ILRUN: variants seen among roughly 807,000 people sequenced by gnomAD.
ILRUN encodes protein ILRUN.
In ILRUN, 3 loss-of-function variants were observed where a neutral mutation model predicts 33.8. The observed-to-expected ratio is 0.09, with a 90% confidence interval of 0.04 to 0.23. ILRUN has a LOEUF of 0.23. Ranked by LOEUF, ILRUN falls within the 10% of genes least tolerant of loss-of-function variation. ILRUN has a pLI of 1.00. For missense variants in ILRUN, 210 were observed against 375.1 expected, an observed-to-expected ratio of 0.56 and a Z score of 3.64; for synonymous variants, 124 against 138.9, an observed-to-expected ratio of 0.89 and a Z score of 0.75.
chr6:34,606,460 G>A, intron 4 of ILRUN, 95 bp downstream of exon 4: 1 of 956,952 alleles, frequency 1.0e-6, no homozygotes, highest in South Asian at 1.6e-5. Flanking sequence ...ACCTCCTCTG[G>A]GGAGCGGCAG....
chr6:34,591,989 A>G, intron 4 of ILRUN, among the ~76,000 whole-genome samples: 1 of 152,116 alleles, frequency 6.6e-6, no homozygotes, highest in Non-Finnish European at 1.5e-5. Flanking sequence ...GCTTCCCCTT[A>G]TAAGAAAGAC....
intron 2 of ILRUN, among the ~76,000 whole-genome samples, chr6:34,652,998 C>G (rs1455821078): frequency 2.0e-5 from 3 of 151,492 alleles, no homozygotes; most frequent in Non-Finnish European, 4.4e-5. Flanking sequence ...AAAAAATTAG[C>G]CAGGCATGGT....
rs79454986 is a variant in ILRUN, at chr6:34,637,562, T to C, written c.511+9039A>G. ...TCTACCAAATCCTTTTCTATACATGTGTATGGTAAGTTGAGGAGTAAGAAA... is the reference window on the plus strand; with the variant it reads ...TCTACCAAATCCTTTTCTATACATGCGTATGGTAAGTTGAGGAGTAAGAAA... On this transcript the variant is annotated intron_variant, in intron 3 of 4. Transcript: ENST00000374023. Among the ~76,000 whole-genome samples the C allele has an allele frequency of 7.3e-3, 1,118 of 152,252 alleles. 21 individuals are homozygous for C. Among genetic ancestry groups the C allele is most frequent in the African/African-American group, 0.026 (1,063 of 41,562 alleles).
chr6:34,602,466 C>G (rs1561997406), intron 4 of ILRUN, among the ~76,000 whole-genome samples: 1 of 152,174 alleles, frequency 6.6e-6, no homozygotes, highest in Non-Finnish European at 1.5e-5. Context: ...CAGTTTCGCA[C>G]TGTCCAAACA....
chr6:34,683,441 C>A (rs1021110277), intron 1 of ILRUN, among the ~76,000 whole-genome samples: 2 of 120,068 alleles, frequency 1.7e-5, no homozygotes, highest in African/African-American at 3.4e-5. Context: ...TATATATATA[C>A]ATATATATAT....
chr6:34,601,904 A>G (rs1761517451), intron 4 of ILRUN, among the ~76,000 whole-genome samples: 2 of 152,024 alleles, frequency 1.3e-5, no homozygotes, highest in Admixed American at 1.3e-4. Flanking sequence ...GGGGTGGGGG[A>G]AGAGAATAAG....
intron 3 of ILRUN, among the ~76,000 whole-genome samples, chr6:34,641,278 C>T (rs769925931): frequency 1.2e-4 from 18 of 152,070 alleles, no homozygotes; most frequent in African/African-American, 2.9e-4. Context: ...GCTAGTAAGC[C>T]GAGTGAGCCA....
At chr6:34,633,838 G>C (rs1762296628) in intron 3 of ILRUN, among the ~76,000 whole-genome samples, 1 of 140,878 alleles carries the variant, frequency 7.1e-6, no homozygotes, top group Non-Finnish European at 1.5e-5. Context: ...TAGGAAGAGA[G>C]GGGAGGGGAG....
intron 3 of ILRUN, among the ~76,000 whole-genome samples, chr6:34,644,204 G>A (rs1762525158): frequency 6.6e-6 from 1 of 152,100 alleles, no homozygotes; most frequent in Non-Finnish European, 1.5e-5. Flanking sequence ...GGAACATTGA[G>A]AAGTAGTATT....
intron 3 of ILRUN, among the ~76,000 whole-genome samples, chr6:34,639,302 C>T (rs188076014): frequency 1.3e-5 from 2 of 152,290 alleles, no homozygotes; most frequent in Admixed American, 1.3e-4. Flanking sequence ...AGAACTACTT[C>T]AAGTAGTGGA....
intron 1 of ILRUN, among the ~76,000 whole-genome samples, chr6:34,681,138 T>C (rs1423164944): frequency 2.0e-5 from 3 of 152,130 alleles, no homozygotes; most frequent in Non-Finnish European, 4.4e-5. Flanking sequence ...TATCATTCAA[T>C]CAATCATTAG....
In ILRUN at chr6:34,641,304, G is replaced by A. The variant is rs78292748; in HGVS notation, c.511+5297C>T. ...GAGTGAGCCAATCATGGTTATTATG[G>A]AAGTTTATTTTTTTCCATGTGCTCA... On this transcript the variant is annotated intron_variant, in intron 3 of 4. Coordinates refer to ENST00000374023, the MANE Select transcript of ILRUN (RefSeq NM_024294.4). Among the ~76,000 whole-genome samples, 651 of 152,208 alleles carry A rather than the reference G, an allele frequency of 4.3e-3. 5 individuals are homozygous for A. The highest frequency in any genetic ancestry group is 0.015 in the African/African-American group (606 of 41,532).
intron 1 of ILRUN, among the ~76,000 whole-genome samples, chr6:34,676,250 A>G (rs1339908156): frequency 6.6e-6 from 1 of 151,896 alleles, no homozygotes; most frequent in Non-Finnish European, 1.5e-5. Flanking sequence ...CAAAAAAAAA[A>G]ATGCTGGGCA....
At chr6:34,649,471 T>A (rs1463371756) in intron 2 of ILRUN, among the ~76,000 whole-genome samples, 1 of 152,122 alleles carries the variant, frequency 6.6e-6, no homozygotes, top group Non-Finnish European at 1.5e-5. Flanking sequence ...TAGTTAAGTA[T>A]CACAATCAAG....
intron 3 of ILRUN, among the ~76,000 whole-genome samples, chr6:34,609,505 G>A (rs1761701039): frequency 6.6e-6 from 1 of 151,600 alleles, no homozygotes; most frequent in African/African-American, 2.4e-5. Flanking sequence ...AAAAAGGTGG[G>A]GTGGAATCTT....
At chr6:34,613,175 C>T (rs544430862) in intron 3 of ILRUN, among the ~76,000 whole-genome samples, 13 of 152,250 alleles carry the variant, frequency 8.5e-5, no homozygotes, top group African/African-American at 3.1e-4. Context: ...GATCGCATCA[C>T]TGCACTCTGG....
chr6:34,690,504 A>G (rs1763623761), intron 1 of ILRUN, among the ~76,000 whole-genome samples: 1 of 152,040 alleles, frequency 6.6e-6, no homozygotes, highest in Non-Finnish European at 1.5e-5. Flanking sequence ...AAATTGATTA[A>G]AAGGGTAAAT....
chr6:34,673,904 TACACACAC>T lies in ILRUN; in HGVS notation c.159-19133_159-19126del, dbSNP rs370280008. On this transcript the variant is annotated intron_variant, in intron 1 of 4. Transcript: ENST00000374023. ...TGTCTCAAAAACAGTAACAACCACA[TACACACAC>T]ACACACACACACACACACACACACG... 6.8e-4 allele frequency among the ~76,000 whole-genome samples: 77 copies of T among 113,088 alleles called. 3 individuals carry two copies. Among genetic ancestry groups the T allele is most frequent in the African/African-American group, 2.5e-3 (70 of 28,188 alleles). 74.2% of individuals were successfully genotyped at this position (113,088 alleles called of 152,430 possible).
intron 1 of ILRUN, among the ~76,000 whole-genome samples, chr6:34,659,489 A>C (rs1350312314): frequency 6.6e-6 from 1 of 152,118 alleles, no homozygotes; most frequent in Non-Finnish European, 1.5e-5. Context: ...TAACATACTA[A>C]TTACCATTAT....
Sources: gnomAD v4.1 joint callset for allele counts (sites outside exome capture counted in the v4.1 genomes callset) on GRCh38, gnomAD v4.1.1 for gene constraint, MANE v1.5 for transcripts, NCBI Gene and HGNC (gene_info 2026-07-23, HGNC 2026-07-21) for gene names.